The following TUSC3 variants were observed in gnomAD, a reference collection of about 807,000 sequenced individuals.
TUSC3 encodes the protein tumor suppressor candidate 3.
TUSC3 carries 45 observed loss-of-function variants against 44.8 expected under a neutral mutation model. The observed-to-expected ratio is 1.00, with a 90% confidence interval of 0.79 to 1.29. TUSC3 has a LOEUF of 1.29. TUSC3 is among the 50% of genes most tolerant of loss of function. The pLI is 0.00. For synonymous variants in TUSC3, 212 were observed against 152.9 expected, an observed-to-expected ratio of 1.39 and a Z score of -2.85; for missense variants, 519 against 437.9, an observed-to-expected ratio of 1.19 and a Z score of -1.65.
intron 1 of TUSC3, among the ~76,000 whole-genome samples, chr8:15,458,722 T>C (rs1023260164): frequency 1.3e-5 from 2 of 152,162 alleles, no homozygotes; most frequent in Non-Finnish European, 2.9e-5. Context: ...AATGAACTAA[T>C]TTTTCATAGA....
intron 2 of TUSC3, among the ~76,000 whole-genome samples, chr8:15,533,128 C>A (rs10109261): frequency 1 from 152,284 of 152,314 alleles, 76,127 homozygotes; most frequent in Middle Eastern, 1. Flanking sequence ...TTCCCTGTAC[C>A]AGTTCTCTTT....
chr8:15,730,198 G>GA (rs1810661778), intron 6 of TUSC3, among the ~76,000 whole-genome samples: 2 of 151,898 alleles, frequency 1.3e-5, no homozygotes, highest in Non-Finnish European at 2.9e-5. Flanking sequence ...ATTTTGTTTT[G>GA]AAAAAATTTA....
At chr8:15,461,233 C>G (rs1219874396) in intron 1 of TUSC3, among the ~76,000 whole-genome samples, 1 of 151,900 alleles carries the variant, frequency 6.6e-6, no homozygotes, top group Non-Finnish European at 1.5e-5. Context: ...TTGTAGAGGT[C>G]TTTCGCCTCC....
intron 6 of TUSC3, among the ~76,000 whole-genome samples, chr8:15,676,536 A>C (rs1808198271): frequency 6.6e-6 from 1 of 152,126 alleles, no homozygotes; most frequent in African/African-American, 2.4e-5. Flanking sequence ...TTATCCATAA[A>C]TGCTTTGCCA....
At chr8:15,643,457 C>T (rs140571108) in intron 2 of TUSC3, among the ~76,000 whole-genome samples, 24 of 150,602 alleles carry the variant, frequency 1.6e-4, no homozygotes, top group African/African-American at 5.6e-4. Flanking sequence ...CTTTCAAAAA[C>T]TGAGTGCTAA....
intron 2 of TUSC3, among the ~76,000 whole-genome samples, chr8:15,650,054 A>G (rs939526746): frequency 1.3e-5 from 2 of 152,222 alleles, no homozygotes; most frequent in African/African-American, 4.8e-5. Context: ...AATATCTAAT[A>G]AAAATGTGTT....
chr8:15,622,000 G>C (rs1483508804), intron 1 of TUSC3, among the ~76,000 whole-genome samples: 5 of 152,050 alleles, frequency 3.3e-5, no homozygotes, highest in African/African-American at 1.2e-4. Context: ...AGGATAAGAT[G>C]TCTGCCTTCC....
intron 6 of TUSC3, among the ~76,000 whole-genome samples, chr8:15,708,692 C>T (rs1044176477): frequency 2.6e-5 from 4 of 151,780 alleles, no homozygotes; most frequent in African/African-American, 9.7e-5. Flanking sequence ...AGTCAATCAA[C>T]GTTTATTTAA....
intron 9 of TUSC3, among the ~76,000 whole-genome samples, chr8:15,750,502 G>A (rs912948194): frequency 6.6e-6 from 1 of 151,096 alleles, no homozygotes; most frequent in South Asian, 2.1e-4. Context: ...GATAGGAAGA[G>A]TTTAAGTTTG....
chr8:15,429,385 G>C lies in TUSC3; in HGVS notation n.91+12080G>C, dbSNP rs548976290. Among the ~76,000 whole-genome samples, 378 of 150,700 alleles carry C rather than the reference G, an allele frequency of 2.5e-3. 15 individuals are homozygous for C. The highest frequency in any genetic ancestry group is 8.5e-3 in the African/African-American group (343 of 40,476). On this transcript the variant is annotated intron_variant and non_coding_transcript_variant, in intron 1 of 5. Coordinates refer to the TUSC3 transcript ENST00000503191. ...TTGGTTACTGTAGCCTTGTAGTATAGTTTGAAGTCAGGTAATGTGATGCCT... is the reference window on the plus strand; with the variant it reads ...TTGGTTACTGTAGCCTTGTAGTATACTTTGAAGTCAGGTAATGTGATGCCT...
At position 15,418,050 on chromosome 8, in the gene TUSC3, C is replaced by T. The variant is rs556005928; in HGVS notation, n.91+745C>T. Among the ~76,000 whole-genome samples the T allele has an allele frequency of 4.0e-4, 61 of 152,242 alleles. 2 individuals carry two copies. The South Asian group carries it at 0.011, about 28-fold the overall frequency. On this transcript the variant is annotated intron_variant and non_coding_transcript_variant, in intron 1 of 5. Transcript: ENST00000503191. ...CCAGGTTCCGTTAGATAGACAGTTA[C>T]GAGAATTTCATACTCAATAAAAAAG...
At chr8:15,426,313 T>G (rs1034197047) in intron 1 of TUSC3, among the ~76,000 whole-genome samples, 1 of 152,212 alleles carries the variant, frequency 6.6e-6, no homozygotes, top group African/African-American at 2.4e-5. Flanking sequence ...TACCATATTG[T>G]TAACTATAGG....
At chr8:15,540,688 C>T (rs1801656395) in intron 1 of TUSC3, 120 bp downstream of exon 1, 2 of 1,340,438 alleles carry the variant, frequency 1.5e-6, no homozygotes, top group Non-Finnish European at 9.9e-7. Flanking sequence ...GATGCCGGCG[C>T]TGGGGCGGGA....
At chr8:15,840,378 TA>T in the TUSC3 span, among the ~76,000 whole-genome samples, 1 of 151,732 alleles carries the variant, frequency 6.6e-6, no homozygotes. Context: ...AAGTATAATT[TA>T]AAAAAATAAA....
chr8:15,631,636 CT>C (rs1292322721), intron 2 of TUSC3, among the ~76,000 whole-genome samples: 2 of 150,978 alleles, frequency 1.3e-5, no homozygotes, highest in African/African-American at 4.9e-5. Context: ...TCCCTAAATA[CT>C]TCAGTAATAC....
chr8:15,540,287 C>A lies in TUSC3; in HGVS notation c.-144C>A. 8.4e-7 allele frequency: 1 copy of A among 1,194,624 alleles called. No homozygotes were observed. The highest frequency in any genetic ancestry group is 1.1e-6 in the Non-Finnish European group (1 of 918,572). 74.0% of individuals were successfully genotyped at this position (1,194,624 alleles called of 1,614,324 possible). ...CAGTCTCCTCCTCTGCGTCCTCGGCCGCGGCCCGGGTCCCTCGCAAAGCCG... is the reference window on the plus strand; with the variant it reads ...CAGTCTCCTCCTCTGCGTCCTCGGCAGCGGCCCGGGTCCCTCGCAAAGCCG... On this transcript the variant is annotated 5_prime_UTR_variant, in exon 1 of 11. Coordinates refer to ENST00000503731, the MANE Select transcript of TUSC3 (RefSeq NM_006765.4).
At chr8:15,809,385 C>G in the TUSC3 span, among the ~76,000 whole-genome samples, 2 of 152,252 alleles carry the variant, frequency 1.3e-5, no homozygotes, top group South Asian at 4.1e-4. Context: ...TTATCCTTGC[C>G]TATCTGTGGG....
intron 2 of TUSC3, among the ~76,000 whole-genome samples, chr8:15,628,784 T>G (rs1805630806): frequency 6.6e-6 from 1 of 152,226 alleles, no homozygotes; most frequent in Non-Finnish European, 1.5e-5. Context: ...TTAAATGATG[T>G]TCTTTCCTAG....
chr8:15,464,110 G>T (rs753611566), intron 1 of TUSC3, among the ~76,000 whole-genome samples: 1 of 152,132 alleles, frequency 6.6e-6, no homozygotes, highest in South Asian at 2.1e-4. Context: ...ACTGGAGCAT[G>T]GCAAATTAGC....
Sources: gnomAD v4.1 joint callset for allele counts (sites outside exome capture counted in the v4.1 genomes callset) on GRCh38, gnomAD v4.1.1 for gene constraint, MANE v1.5 for transcripts, NCBI Gene and HGNC (gene_info 2026-07-23, HGNC 2026-07-21) for gene names.